Variants in LIPE observed in about 807,000 individuals in gnomAD.
LIPE encodes lipase E, hormone sensitive type.
A neutral mutation model predicts 88.5 loss-of-function variants in LIPE; 66 were observed. The observed-to-expected ratio is 0.75, with a 90% CI of 0.61 to 0.91. The LOEUF is 0.91. Among genes scored for constraint, LIPE ranks in the 40% least tolerant of loss-of-function variants. LIPE has a pLI of 0.00. For synonymous variants in LIPE, 570 were observed against 617.5 expected (o/e 0.92, Z 1.14); for missense variants, 1,346 against 1,434.7 (o/e 0.94, Z 1.00).
chr19:42,417,792 AG>A (rs1427924229), intron 1 of LIPE, among the ~76,000 whole-genome samples: 3 of 152,208 alleles, frequency 2.0e-5, no homozygotes, highest in Non-Finnish European at 4.4e-5. Context: ...AGGCCAAGGC[AG>A]GAAGATAGCT....
intron 1 of LIPE, among the ~76,000 whole-genome samples, chr19:42,415,222 A>G (rs532127552): frequency 2.6e-4 from 39 of 152,156 alleles, no homozygotes; most frequent in Non-Finnish European, 4.7e-4. Context: ...ATAGAGCGAG[A>G]GTCTGTCTCA....
At chr19:42,421,186 G>A (rs10405891) in intron 1 of LIPE, among the ~76,000 whole-genome samples, 10,030 of 152,068 alleles carry the variant, frequency 0.066, 1,046 homozygotes, top group African/African-American at 0.22. Context: ...GGTGTGAGCC[G>A]CTGTACCCAG....
intron 1 of LIPE, chr19:42,424,914 G>C (rs2040680458): frequency 2.9e-6 from 1 of 341,206 alleles, no homozygotes; most frequent in Non-Finnish European, 5.7e-6. Flanking sequence ...GGGAGTGCCT[G>C]CGGTGAGCCC....
rs2040723790 is a variant in LIPE at position 42,427,167 on chromosome 19, G to A, written c.-18C>T. On this transcript the variant is annotated 5_prime_UTR_variant, in exon 1 of 10. Coordinates refer to ENST00000244289, the MANE Select transcript of LIPE (RefSeq NM_005357.4). ...GGCTCCATTGTTATTTCCCTCACGG[G>A]AGATATTGATCTTCCAGGTTCTATC... 1 of 1,570,454 alleles carries A rather than the reference G, an allele frequency of 6.4e-7. No homozygotes were observed. The highest frequency in any genetic ancestry group is 1.4e-5 in the African/African-American group (1 of 72,666).
chr19:42,420,406 C>T (rs2040574798), intron 1 of LIPE, among the ~76,000 whole-genome samples: 1 of 152,128 alleles, frequency 6.6e-6, no homozygotes, highest in South Asian at 2.1e-4. Context: ...GTTTGTATGC[C>T]TGTGAATGTA....
chr19:42,424,174 C>T, intron 1 of LIPE: 1 of 1,116,008 alleles, frequency 9.0e-7, no homozygotes, highest in Non-Finnish European at 1.2e-6. Context: ...CCTCTGTCTC[C>T]GCCCCCTAAT....
intron 2 of LIPE, among the ~76,000 whole-genome samples, chr19:42,409,744 G>A (rs1207816893): frequency 1.3e-5 from 2 of 152,180 alleles, no homozygotes; most frequent in Non-Finnish European, 2.9e-5. Context: ...CTAGGGTCAC[G>A]GCTGGGACAC....
At chr19:42,412,183 A>C (rs929441329) in intron 1 of LIPE, 3 of 717,034 alleles carry the variant, frequency 4.2e-6, no homozygotes, top group Non-Finnish European at 5.1e-6. Flanking sequence ...TGTTTCTTGG[A>C]TGCCCTGTCA....
In LIPE at chr19:42,427,171, TA is replaced by T. The variant is rs1372443212; in HGVS notation, c.-23del. 6.4e-7 allele frequency: 1 copy of T among 1,565,140 alleles called. No homozygotes were observed. The highest frequency in any genetic ancestry group is 8.6e-7 in the Non-Finnish European group (1 of 1,160,262). ...CCATTGTTATTTCCCTCACGGGAGATATTGATCTTCCAGGTTCTATCCTTCT... is the reference window on the plus strand; with the variant it reads ...CCATTGTTATTTCCCTCACGGGAGATTTGATCTTCCAGGTTCTATCCTTCT... On this transcript the variant is annotated 5_prime_UTR_variant, in exon 1 of 10. Coordinates refer to ENST00000244289, the MANE Select transcript of LIPE (RefSeq NM_005357.4).
At chr19:42,421,582 G>A (rs2040598957) in intron 1 of LIPE, among the ~76,000 whole-genome samples, 1 of 152,168 alleles carries the variant, frequency 6.6e-6, no homozygotes, top group Non-Finnish European at 1.5e-5. Flanking sequence ...GAACCTCTTG[G>A]GCCCAGAATC....
rs2040388093 is a variant in LIPE at position 42,412,003 on chromosome 19, G to A, written c.884-1161C>T. Among the ~76,000 whole-genome samples the A allele has an allele frequency of 2.6e-5, 4 of 152,228 alleles. No individual in the cohort carries two copies. In the South Asian group the frequency reaches 8.3e-4, roughly 32 times the overall value. On this transcript the variant is annotated intron_variant, in intron 1 of 9. Transcript: ENST00000244289. ...TTAAAGTTGCACTGCAAGTGGCAGA[G>A]CTTTTGTAAACCCAGCTCTCTGGGT...
Position 42,402,781 on chromosome 19 carries a change from C to T in LIPE, c.2793G>A (p.Met931Ile), listed in dbSNP as rs561667384. 17 of 1,608,148 alleles carry T rather than the reference C, an allele frequency of 1.1e-5. No individual in the cohort carries two copies. In the East Asian group the frequency reaches 3.6e-4, roughly 34 times the overall value. The part of the protein sequence containing the change: ...EAEAKNELSP[M>I]DRGLGVRAAF... ...CGGCACGGACGCCCAGGCCTCTGTC[C>T]ATGGGGCTCAGCTCATTTTTGGCCT... is the stretch of plus-strand genomic sequence containing the variant. Residue 931 changes from methionine to isoleucine, a missense_variant, in exon 9 of 10, where the codon ATG (methionine) becomes ATA (isoleucine). Transcript: ENST00000244289.
chr19:42,406,819 C>A lies in LIPE; in HGVS notation c.2137+355G>T, dbSNP rs2147597908. On this transcript the variant is annotated intron_variant, in intron 6 of 9. Transcript: ENST00000244289. This position sits in a 1 kb window ranked among gnomAD's most constrained non-coding sequence, Gnocchi z 5.7. ...CACACTCTGCTCTGTGCCTCAGTGT[C>A]CTCCCAAGATGTTGATCTTCGAAGA... Among the ~76,000 whole-genome samples the A allele has an allele frequency of 6.6e-6, 1 of 152,276 alleles. No individual in the cohort carries two copies. The highest frequency in any genetic ancestry group is 1.5e-5 in the Non-Finnish European group (1 of 68,034).
Position 42,410,922 on chromosome 19 carries a change from C to A in LIPE, c.884-80G>T. 1 of 1,345,998 alleles carries A rather than the reference C, an allele frequency of 7.4e-7. No homozygotes were observed. The highest frequency in any genetic ancestry group is 1.0e-6 in the Non-Finnish European group (1 of 992,676). The allele number at this position is 1,345,998 out of a possible 1,614,324, so 83.4% of individuals were successfully genotyped here. On this transcript the variant is annotated intron_variant, in intron 1 of 9. Coordinates refer to ENST00000244289, the MANE Select transcript of LIPE (RefSeq NM_005357.4). This position sits in a 1 kb window ranked among gnomAD's most constrained non-coding sequence, Gnocchi z 6.1. ...TGGGGCCCAGGAGTCTGGGCCATAGCTTACCCACTCCTCCTTCAAACCTCA... is the reference window on the plus strand; with the variant it reads ...TGGGGCCCAGGAGTCTGGGCCATAGATTACCCACTCCTCCTTCAAACCTCA...
rs1161419149 is a variant in LIPE at position 42,414,941 on chromosome 19, C to A, written c.884-4099G>T. 1.3e-5 allele frequency among the ~76,000 whole-genome samples: 2 copies of A among 152,142 alleles called. No homozygotes were observed. The highest frequency in any genetic ancestry group is 2.9e-5 in the Non-Finnish European group (2 of 68,030). ...GAGCCTCCATATTCCCTAAGACATA[C>A]AATATTGAGGCCGGGCACGGTGGCT... On this transcript the variant is annotated intron_variant, in intron 1 of 9. Coordinates refer to ENST00000244289, the MANE Select transcript of LIPE (RefSeq NM_005357.4). The surrounding 1 kb of genome is among the most constrained non-coding windows in gnomAD (Gnocchi z 4.6).
intron 1 of LIPE, chr19:42,411,289 G>A (rs2040368728): frequency 2.0e-6 from 2 of 984,346 alleles, no homozygotes; most frequent in Non-Finnish European, 2.4e-6. Flanking sequence ...CCAGGAGGCT[G>A]CCGGTCCTTC....
chr19:42,408,310 T>C lies in LIPE; in HGVS notation c.1432A>G (p.Ile478Val), dbSNP rs2040256276. 1.2e-6 allele frequency: 2 copies of C among 1,614,012 alleles called. No homozygotes were observed. The highest frequency in any genetic ancestry group is 1.7e-6 in the Non-Finnish European group (2 of 1,179,974). The stretch of plus-strand genomic sequence containing the variant: ...GAGATGGTCTGCAGGAATGGCCGGA[T>C]GGCAGGCGTGAACTGTGGAGAGACG... ...RCLGFQFTPA[I>V]RPFLQTISIG... The change falls in exon 3 of 10, where the codon ATC (isoleucine) becomes GTC (valine). Residue 478 changes from isoleucine to valine, a missense_variant. Physicochemically the swap from Ile to Val is conservative, Grantham distance 29 (BLOSUM62 3). Coordinates refer to ENST00000244289, the MANE Select transcript of LIPE (RefSeq NM_005357.4). This position sits in a 1 kb window ranked among gnomAD's most constrained non-coding sequence, Gnocchi z 4.3.
intron 1 of LIPE, chr19:42,424,833 G>C (rs1412800779): frequency 2.9e-6 from 1 of 345,204 alleles, no homozygotes. Context: ...AAGGAAGATC[G>C]GAGCTTCCTG....
chr19:42,427,206 A>G lies in LIPE; in HGVS notation c.-57T>C. 3 of 1,513,854 alleles carry G rather than the reference A, an allele frequency of 2.0e-6. No individual in the cohort carries two copies. The highest frequency in any genetic ancestry group is 2.6e-6 in the Non-Finnish European group (3 of 1,136,740). The allele number at this position is 1,513,854 out of a possible 1,614,324, so 93.8% of individuals were successfully genotyped here. On this transcript the variant is annotated 5_prime_UTR_variant, in exon 1 of 10. Transcript: ENST00000244289. ...CCAGGTTCTATCCTTCTGGGCTCCC[A>G]CCCAGCCCTCTCTCTTCACAGATCT...
Sources: gnomAD v4.1 joint callset for allele counts (sites outside exome capture counted in the v4.1 genomes callset) on GRCh38, gnomAD v4.1.1 for gene constraint, Gnocchi (gnomAD v3.1) non-coding constraint, MANE v1.5 for transcripts, NCBI Gene and HGNC (gene_info 2026-07-23, HGNC 2026-07-21) for gene names.